Variants in EDIL3 observed in about 807,000 individuals in gnomAD.
EDIL3 encodes EGF-like repeat and discoidin I-like domain-containing protein 3.
In EDIL3, 37 loss-of-function variants were observed where a neutral mutation model predicts 67.4. That is an observed-to-expected ratio of 0.55 (90% CI 0.42 to 0.72). The LOEUF is 0.72. Ranked by LOEUF, EDIL3 falls within the 30% of genes least tolerant of loss-of-function variation. The pLI, the probability that EDIL3 is intolerant of heterozygous loss-of-function variation, is 0.00. For synonymous variants in EDIL3, 195 were observed against 196.3 expected, an observed-to-expected ratio of 0.99 and a Z score of 0.05; for missense variants, 527 against 586.3, an observed-to-expected ratio of 0.90 and a Z score of 1.04.
At chr5:84,223,882 A>G (rs1228059261) in intron 3 of EDIL3, among the ~76,000 whole-genome samples, 6 of 151,530 alleles carry the variant, frequency 4.0e-5, no homozygotes, top group Non-Finnish European at 3.0e-5. Flanking sequence ...TGTATACCTT[A>G]AATTTATACA....
intron 1 of EDIL3, among the ~76,000 whole-genome samples, chr5:84,293,725 G>C (rs74678609): frequency 1.2e-3 from 183 of 151,622 alleles, no homozygotes; most frequent in African/African-American, 4.1e-3. Context: ...GGCTGGGGGA[G>C]GGGGGATTGT....
At chr5:84,275,882 T>G (rs1745574743) in intron 1 of EDIL3, among the ~76,000 whole-genome samples, 2 of 152,198 alleles carry the variant, frequency 1.3e-5, no homozygotes. Flanking sequence ...AGCATCAACA[T>G]TTTTCTTGTC....
intron 3 of EDIL3, among the ~76,000 whole-genome samples, chr5:84,187,864 T>TC (rs1001695807): frequency 9.2e-5 from 14 of 152,042 alleles, no homozygotes; most frequent in African/African-American, 3.4e-4. Flanking sequence ...TTTGTACTCC[T>TC]CCTCCTTTGT....
At chr5:84,140,340 G>T (rs148381549) in intron 4 of EDIL3, among the ~76,000 whole-genome samples, 8 of 152,268 alleles carry the variant, frequency 5.3e-5, no homozygotes, top group Admixed American at 1.3e-4. Flanking sequence ...TAGCCAGTGT[G>T]AGAACAATCA....
At chr5:84,160,039 T>C (rs545447853) in intron 4 of EDIL3, among the ~76,000 whole-genome samples, 21 of 152,232 alleles carry the variant, frequency 1.4e-4, no homozygotes, top group South Asian at 6.2e-4. Context: ...AGGCCAATTG[T>C]GGATTTGGTT....
At chr5:84,257,324 T>C (rs1299427798) in intron 1 of EDIL3, among the ~76,000 whole-genome samples, 3 of 152,228 alleles carry the variant, frequency 2.0e-5, no homozygotes, top group African/African-American at 7.2e-5. Flanking sequence ...TCAAGTCTCA[T>C]TATATCTTAG....
At chr5:84,210,989 C>G (rs542988715) in intron 3 of EDIL3, among the ~76,000 whole-genome samples, 1 of 152,168 alleles carries the variant, frequency 6.6e-6, no homozygotes, top group Non-Finnish European at 1.5e-5. Flanking sequence ...TTGAATGGTG[C>G]TCCGCCACCC....
intron 4 of EDIL3, among the ~76,000 whole-genome samples, chr5:84,143,410 T>C (rs1355356154): frequency 1.3e-5 from 2 of 152,074 alleles, no homozygotes; most frequent in Non-Finnish European, 2.9e-5. Flanking sequence ...AACAGTAGCA[T>C]AACAAAAGCC....
chr5:84,303,834 GTGTGTGTGTGTGTGTT>G (rs1415657446), intron 1 of EDIL3, among the ~76,000 whole-genome samples: 6 of 131,422 alleles, frequency 4.6e-5, no homozygotes, highest in African/African-American at 1.6e-4. Context: ...GTGTGTGTGT[GTGTGTGTGTGTGTGTT>G]TGTGTGTGTG....
At position 84,259,773 on chromosome 5, in the gene EDIL3, C is replaced by T. The variant is rs546554754; in HGVS notation, c.68-5561G>A. 3.7e-4 allele frequency among the ~76,000 whole-genome samples: 56 copies of T among 152,270 alleles called. No individual in the cohort carries two copies. In the South Asian group the frequency reaches 0.011, roughly 29 times the overall value. On this transcript the variant is annotated intron_variant, in intron 1 of 10. Coordinates refer to ENST00000296591, the MANE Select transcript of EDIL3 (RefSeq NM_005711.5). ...ATTTAGGCACTATCTTATTTTACTT[C>T]ATTACCCATTTGCAATCCATGACCT...
intron 9 of EDIL3, among the ~76,000 whole-genome samples, chr5:84,042,351 G>A (rs911426068): frequency 6.6e-6 from 1 of 150,878 alleles, no homozygotes. Context: ...GCTTGATCTC[G>A]GCTCACTGCA....
chr5:84,197,457 T>C (rs1344240384), intron 3 of EDIL3, among the ~76,000 whole-genome samples: 1 of 151,898 alleles, frequency 6.6e-6, no homozygotes, highest in African/African-American at 2.4e-5. Context: ...AGTCAGGAGA[T>C]GGAGACCATC....
At chr5:84,197,519 C>T (rs918933530) in intron 3 of EDIL3, among the ~76,000 whole-genome samples, 8 of 151,792 alleles carry the variant, frequency 5.3e-5, no homozygotes, top group South Asian at 2.1e-4. Context: ...ATTAGCAGTG[C>T]GTGGTGGCAC....
intron 4 of EDIL3, among the ~76,000 whole-genome samples, chr5:84,138,620 AGG>A (rs888161558): frequency 1.3e-5 from 2 of 152,220 alleles, no homozygotes; most frequent in Non-Finnish European, 2.9e-5. Flanking sequence ...AAAGGAAACA[AGG>A]AAAAAAGTAT....
At chr5:84,340,238 TAAC>T (rs1747073157) in intron 1 of EDIL3, among the ~76,000 whole-genome samples, 1 of 151,476 alleles carries the variant, frequency 6.6e-6, no homozygotes, top group African/African-American at 2.4e-5. Context: ...ACTTTTACAT[TAAC>T]AACAAGAAAA....
chr5:84,353,212 A>C (rs1004451405), intron 1 of EDIL3, among the ~76,000 whole-genome samples: 8 of 152,150 alleles, frequency 5.3e-5, no homozygotes, highest in Admixed American at 2.0e-4. Context: ...GCACCAACCA[A>C]TGTGAATAGC....
chr5:84,272,254 T>C (rs1745489720), intron 1 of EDIL3, among the ~76,000 whole-genome samples: 1 of 151,984 alleles, frequency 6.6e-6, no homozygotes, highest in African/African-American at 2.4e-5. Context: ...AATCTTCTAG[T>C]TACTACCTAG....
intron 4 of EDIL3, among the ~76,000 whole-genome samples, chr5:84,173,152 T>C (rs112294299): frequency 5.3e-5 from 8 of 152,304 alleles, no homozygotes; most frequent in African/African-American, 1.7e-4. Context: ...GTAGCTGTTA[T>C]ACTTGATGGA....
chr5:84,072,254 T>A (rs1005261552), intron 6 of EDIL3, among the ~76,000 whole-genome samples: 3 of 152,110 alleles, frequency 2.0e-5, no homozygotes, highest in Admixed American at 1.3e-4. Flanking sequence ...TCAAAGATAT[T>A]AGATTATACA....
Sources: allele counts gnomAD v4.1 joint callset (sites outside exome capture counted in the v4.1 genomes callset), GRCh38; gene constraint gnomAD v4.1.1; transcripts MANE v1.5; gene names NCBI Gene and HGNC (gene_info 2026-07-23, HGNC 2026-07-21).